GDPD4: variants seen among roughly 807,000 people sequenced by gnomAD.
GDPD4 encodes the protein glycerophosphodiester phosphodiesterase 6.
GDPD4 carries 60 observed loss-of-function variants against 67.8 expected under a neutral mutation model. That is an observed-to-expected ratio of 0.88 (90% CI 0.72 to 1.10). The LOEUF is 1.10. Among genes scored for constraint, GDPD4 ranks in the 50% least tolerant of loss-of-function variants. The pLI is 0.00. For missense variants in GDPD4, 623 were observed against 613.9 expected (o/e 1.01, Z -0.16); for synonymous variants, 212 against 210.9 (o/e 1.00, Z -0.04).
chr11:77,273,225 A>G (rs1180634881), intron 5 of GDPD4, among the ~76,000 whole-genome samples: 1 of 152,154 alleles, frequency 6.6e-6, no homozygotes, highest in Non-Finnish European at 1.5e-5. Flanking sequence ...AAGGGGTTCT[A>G]GGCCTCGTGC....
intron 4 of GDPD4, among the ~76,000 whole-genome samples, chr11:77,277,465 C>T (rs1565538893): frequency 8.3e-6 from 1 of 119,782 alleles, no homozygotes; most frequent in Middle Eastern, 6.8e-3. Flanking sequence ...CAGTGTGGCT[C>T]GATCTCGGCT....
chr11:77,254,785 C>T (rs1043812030), intron 11 of GDPD4, among the ~76,000 whole-genome samples: 2 of 152,164 alleles, frequency 1.3e-5, no homozygotes, highest in Non-Finnish European at 2.9e-5. Context: ...ATAAGATTAA[C>T]TACTTGATTT....
At chr11:77,286,562 T>G (rs1960005016) in intron 2 of GDPD4, among the ~76,000 whole-genome samples, 1 of 152,218 alleles carries the variant, frequency 6.6e-6, no homozygotes, top group African/African-American at 2.4e-5. Context: ...ACTGGTCTGA[T>G]TCTGGGACCC....
At chr11:77,231,260 A>T (rs1017323185) in intron 14 of GDPD4, among the ~76,000 whole-genome samples, 2 of 152,260 alleles carry the variant, frequency 1.3e-5, no homozygotes, top group Non-Finnish European at 2.9e-5. Flanking sequence ...ACCAGACCAG[A>T]TTATGTTGGA....
chr11:77,272,933 G>C (rs891365998), intron 5 of GDPD4, among the ~76,000 whole-genome samples: 1 of 151,960 alleles, frequency 6.6e-6, no homozygotes, highest in African/African-American at 2.4e-5. Flanking sequence ...TGCTTCACAG[G>C]CGTCATTTTG....
At chr11:77,250,913 T>C (rs191842313) in intron 11 of GDPD4, among the ~76,000 whole-genome samples, 9 of 152,328 alleles carry the variant, frequency 5.9e-5, no homozygotes, top group African/African-American at 2.2e-4. Context: ...AATGACCTTC[T>C]TTGTCTTTCT....
chr11:77,274,089 AG>A (rs1332763067), intron 5 of GDPD4, among the ~76,000 whole-genome samples: 2 of 152,254 alleles, frequency 1.3e-5, no homozygotes, highest in African/African-American at 4.8e-5. Flanking sequence ...AATGGTAATC[AG>A]AATGTTTTCA....
At chr11:77,230,507 T>C (rs532366867) in intron 14 of GDPD4, among the ~76,000 whole-genome samples, 10 of 152,304 alleles carry the variant, frequency 6.6e-5, no homozygotes, top group South Asian at 2.1e-4. Flanking sequence ...AAGATCTAGG[T>C]AGATTGCTCA....
At chr11:77,294,051 A>T (rs537160218) in intron 1 of GDPD4, among the ~76,000 whole-genome samples, 14 of 152,362 alleles carry the variant, frequency 9.2e-5, no homozygotes, top group South Asian at 4.1e-4. Context: ...GTAGAACTAG[A>T]TGCAAAAATC....
chr11:77,284,291 G>A (rs545139275), intron 3 of GDPD4, among the ~76,000 whole-genome samples: 1 of 152,036 alleles, frequency 6.6e-6, no homozygotes, highest in African/African-American at 2.4e-5. Context: ...ATTATTTTAA[G>A]TGAAAAGAGA....
intron 1 of GDPD4, among the ~76,000 whole-genome samples, chr11:77,288,276 T>C (rs1960073663): frequency 6.6e-6 from 1 of 151,928 alleles, no homozygotes; most frequent in African/African-American, 2.4e-5. Flanking sequence ...GGGCTCCAGG[T>C]CCCACCCACC....
chr11:77,226,369 G>T (rs559738214), intron 16 of GDPD4, among the ~76,000 whole-genome samples: 1 of 152,108 alleles, frequency 6.6e-6, no homozygotes, highest in Non-Finnish European at 1.5e-5. Flanking sequence ...GAAGCCATAA[G>T]GGTGGGGCCC....
At chr11:77,289,667 G>A (rs1937699368) in intron 1 of GDPD4, among the ~76,000 whole-genome samples, 1 of 151,256 alleles carries the variant, frequency 6.6e-6, no homozygotes, top group East Asian at 2.0e-4. Context: ...GAAGGCGGAG[G>A]TTGCAGTGAG....
intron 14 of GDPD4, among the ~76,000 whole-genome samples, chr11:77,231,215 T>G (rs1358711010): frequency 1.3e-5 from 2 of 152,204 alleles, no homozygotes; most frequent in Non-Finnish European, 2.9e-5. Flanking sequence ...TTTAAATGAT[T>G]CCTCACTTTA....
chr11:77,245,147 T>A, intron 12 of GDPD4, 134 bp downstream of exon 12: 1 of 671,120 alleles, frequency 1.5e-6, no homozygotes. Context: ...AGTAACAATC[T>A]TCATTTCCAT....
At chr11:77,270,491 G>A (rs920690558) in intron 7 of GDPD4, among the ~76,000 whole-genome samples, 1 of 152,194 alleles carries the variant, frequency 6.6e-6, no homozygotes, top group Non-Finnish European at 1.5e-5. Flanking sequence ...GCTGAGGCAG[G>A]CGGATCACGA....
intron 10 of GDPD4, among the ~76,000 whole-genome samples, chr11:77,267,801 G>A (rs1344675108): frequency 6.6e-6 from 1 of 152,070 alleles, no homozygotes. Flanking sequence ...TAGAGCAAAA[G>A]CTTTTCAGAA....
chr11:77,259,412 ATATC>A (rs1373702791), intron 10 of GDPD4, among the ~76,000 whole-genome samples: 7 of 152,192 alleles, frequency 4.6e-5, no homozygotes, highest in African/African-American at 1.7e-4. Flanking sequence ...TCTCATTAAA[ATATC>A]TATGAAGAGA....
chr11:77,234,223 CA>C (rs1401193067), intron 13 of GDPD4, among the ~76,000 whole-genome samples: 2 of 151,970 alleles, frequency 1.3e-5, no homozygotes, highest in African/African-American at 2.4e-5. Context: ...ATTAGTTATC[CA>C]ATATGTTAGA....
Sources: allele counts gnomAD v4.1 joint callset (sites outside exome capture counted in the v4.1 genomes callset), GRCh38; gene constraint gnomAD v4.1.1; transcripts MANE v1.5; gene names NCBI Gene and HGNC (gene_info 2026-07-23, HGNC 2026-07-21).